SRGAP2C: variants seen among roughly 807,000 people sequenced by gnomAD.
SRGAP2C encodes SLIT-ROBO Rho GTPase-activating protein 2C.
A neutral mutation model predicts 25.1 loss-of-function variants in SRGAP2C; 15 were observed. That is an observed-to-expected ratio of 0.60 (90% CI 0.40 to 0.92). The LOEUF is 0.92. SRGAP2C is among the 40% of genes least tolerant of loss of function. The probability of loss-of-function intolerance (pLI) is 0.00; values close to 1 mark genes in which losing one functional copy is unlikely to be tolerated. For missense variants in SRGAP2C, 144 were observed against 264.4 expected (o/e 0.54, Z 3.16); for synonymous variants, 44 against 96.6 (o/e 0.46, Z 3.19).
At chr1:121,225,971 C>A (rs1168616276) in intron 2 of SRGAP2C, among the ~76,000 whole-genome samples, 1 of 150,552 alleles carries the variant, frequency 6.6e-6, no homozygotes, top group East Asian at 2.0e-4. Context: ...TCCCAAAGTG[C>A]TGGGATTACA....
chr1:121,337,901 ATTAACC>A (rs1658555508), intron 4 of SRGAP2C, among the ~76,000 whole-genome samples: 1 of 92,778 alleles, frequency 1.1e-5, no homozygotes, highest in Non-Finnish European at 2.2e-5. Flanking sequence ...TTTTACATGT[ATTAACC>A]TATTTAATCT....
At chr1:121,279,013 TG>T (rs1657176276) in intron 2 of SRGAP2C, among the ~76,000 whole-genome samples, 1 of 152,164 alleles carries the variant, frequency 6.6e-6, no homozygotes. Flanking sequence ...ATCATGTGTT[TG>T]TGAAGGGGCT....
intron 2 of SRGAP2C, among the ~76,000 whole-genome samples, chr1:121,279,746 C>T (rs1158199568): frequency 7.1e-6 from 1 of 141,722 alleles, no homozygotes; most frequent in African/African-American, 2.6e-5. Flanking sequence ...TAAAAACACT[C>T]CCTGGCAGGT....
chr1:121,305,336 C>T (rs1456085435), intron 3 of SRGAP2C, among the ~76,000 whole-genome samples: 28 of 101,438 alleles, frequency 2.8e-4, no homozygotes, highest in Admixed American at 3.6e-4. Flanking sequence ...CATGAAGCCC[C>T]GGGGCACTGC....
At chr1:121,244,050 A>G (rs1346291432) in intron 2 of SRGAP2C, among the ~76,000 whole-genome samples, 1 of 141,658 alleles carries the variant, frequency 7.1e-6, no homozygotes, top group Non-Finnish European at 1.5e-5. Flanking sequence ...ATTCATTTGG[A>G]GAGAGAGTTG....
At chr1:121,283,495 C>A (rs2101566535) in intron 2 of SRGAP2C, among the ~76,000 whole-genome samples, 1 of 151,830 alleles carries the variant, frequency 6.6e-6, no homozygotes, top group Admixed American at 6.6e-5. Flanking sequence ...ATCTGCAGCT[C>A]ACATGAAAAC....
chr1:121,264,005 G>T (rs1234192425), intron 2 of SRGAP2C, among the ~76,000 whole-genome samples: 2 of 151,948 alleles, frequency 1.3e-5, no homozygotes, highest in African/African-American at 4.8e-5. Context: ...GGTGTGAGGT[G>T]GGTAGGCAGG....
intron 2 of SRGAP2C, among the ~76,000 whole-genome samples, chr1:121,284,304 C>A: frequency 1.5e-5 from 2 of 135,096 alleles, no homozygotes. Context: ...GGGAAAAATG[C>A]AAAAAGTAGG....
At chr1:121,204,148 T>A (rs1655058562) in intron 2 of SRGAP2C, among the ~76,000 whole-genome samples, 1 of 128,976 alleles carries the variant, frequency 7.8e-6, no homozygotes, top group South Asian at 2.5e-4. Flanking sequence ...ATTTTGGAGA[T>A]CCTGTCTCCA....
intron 2 of SRGAP2C, among the ~76,000 whole-genome samples, chr1:121,219,186 A>G (rs781911869): frequency 6.8e-6 from 1 of 147,484 alleles, no homozygotes; most frequent in Non-Finnish European, 1.5e-5. Context: ...GAAGCAGCCA[A>G]CCTGGCTGGT....
intron 3 of SRGAP2C, among the ~76,000 whole-genome samples, chr1:121,298,505 GTTGTTTGTCT>G (rs1267502154): frequency 2.2e-5 from 2 of 90,476 alleles, no homozygotes; most frequent in Non-Finnish European, 4.3e-5. Context: ...GGTTTACTGG[GTTGTTTGTCT>G]CATGAGGCCA....
intron 2 of SRGAP2C, among the ~76,000 whole-genome samples, chr1:121,270,048 GTTC>G (rs1301047031): frequency 6.8e-6 from 1 of 147,608 alleles, no homozygotes; most frequent in Non-Finnish European, 1.5e-5. Flanking sequence ...GTAGCCACTT[GTTC>G]TTTGATCGTG....
At chr1:121,370,486 G>A (rs1659452907) in intron 5 of SRGAP2C, among the ~76,000 whole-genome samples, 1 of 131,208 alleles carries the variant, frequency 7.6e-6, no homozygotes, top group Non-Finnish European at 1.6e-5. Flanking sequence ...CTGTTGCCCA[G>A]GCTGGAGTGC....
intron 2 of SRGAP2C, among the ~76,000 whole-genome samples, chr1:121,211,080 G>A (rs1553323546): frequency 6.8e-6 from 1 of 146,980 alleles, no homozygotes; most frequent in Admixed American, 6.8e-5. Context: ...GAAGGAAGGG[G>A]CTGCAGGATA....
intron 2 of SRGAP2C, among the ~76,000 whole-genome samples, chr1:121,249,580 A>ATTTTTTTT (rs1159053572): frequency 8.9e-5 from 2 of 22,372 alleles, no homozygotes; most frequent in African/African-American, 2.1e-4. Context: ...ATATATATAT[A>ATTTTTTTT]TTTTTTTTTT....
At chr1:121,300,144 A>ATAC (rs1321307075) in intron 3 of SRGAP2C, among the ~76,000 whole-genome samples, 2 of 138,836 alleles carry the variant, frequency 1.4e-5, no homozygotes, top group Non-Finnish European at 3.1e-5. Flanking sequence ...ATACATGTGC[A>ATAC]TACAAATACA....
intron 4 of SRGAP2C, among the ~76,000 whole-genome samples, chr1:121,327,595 G>T: frequency 2.1e-5 from 3 of 141,140 alleles, no homozygotes; most frequent in Admixed American, 7.2e-5. Context: ...ATTCTCTTTT[G>T]GCTGGGTAAA....
intron 2 of SRGAP2C, among the ~76,000 whole-genome samples, chr1:121,198,900 G>T (rs1342583825): frequency 6.6e-6 from 1 of 151,900 alleles, no homozygotes; most frequent in Non-Finnish European, 1.5e-5. Context: ...GAAAGCTTGG[G>T]TTCTAGTTTA....
intron 3 of SRGAP2C, among the ~76,000 whole-genome samples, chr1:121,314,349 A>C (rs1401182089): frequency 4.0e-5 from 6 of 151,512 alleles, no homozygotes; most frequent in Admixed American, 3.3e-4. Context: ...CAAAGTTTTC[A>C]ACTTCTTTGC....
Sources: gnomAD v4.1 joint callset for allele counts (sites outside exome capture counted in the v4.1 genomes callset) on GRCh38, gnomAD v4.1.1 for gene constraint, MANE v1.5 for transcripts, NCBI Gene and HGNC (gene_info 2026-07-23, HGNC 2026-07-21) for gene names.